Variants in NEGR1 observed in about 807,000 individuals in gnomAD.
NEGR1 encodes IgLON family member 4.
In NEGR1, 10 loss-of-function variants were observed where a neutral mutation model predicts 40.9. The observed-to-expected ratio is 0.24, with a 90% confidence interval of 0.15 to 0.42. The LOEUF is 0.42. Ranked by LOEUF, NEGR1 falls within the 10% of genes least tolerant of loss-of-function variation. The probability of loss-of-function intolerance (pLI) is 1.00; values close to 1 mark genes in which losing one functional copy is unlikely to be tolerated. For synonymous variants in NEGR1, 185 were observed against 166.8 expected (o/e 1.11, Z -0.84); for missense variants, 352 against 438.9 (o/e 0.80, Z 1.77).
At chr1:71,855,009 T>G (rs1659717630) in intron 2 of NEGR1, among the ~76,000 whole-genome samples, 1 of 152,116 alleles carries the variant, frequency 6.6e-6, no homozygotes, top group Non-Finnish European at 1.5e-5. Flanking sequence ...CAAGGTCAAC[T>G]ATATAAGTCT....
At chr1:72,036,791 GA>G (rs894507430) in intron 1 of NEGR1, among the ~76,000 whole-genome samples, 15 of 151,534 alleles carry the variant, frequency 9.9e-5, no homozygotes, top group Admixed American at 6.6e-4. Flanking sequence ...ATTACATATA[GA>G]AAAAAAGGAC....
At chr1:71,424,860 A>G (rs1373113822) in intron 6 of NEGR1, among the ~76,000 whole-genome samples, 1 of 152,214 alleles carries the variant, frequency 6.6e-6, no homozygotes, top group Admixed American at 6.5e-5. Context: ...TAGAGCCTAC[A>G]GATAAGAACC....
chr1:71,796,141 C>T (rs996341352), intron 2 of NEGR1, among the ~76,000 whole-genome samples: 3 of 152,142 alleles, frequency 2.0e-5, no homozygotes, highest in Non-Finnish European at 4.4e-5. Context: ...CTCATCCAAT[C>T]TCCTGACCTC....
At position 71,777,586 on chromosome 1, in the gene NEGR1, G is replaced by A. The variant is rs1218532714; in HGVS notation, c.410-1289C>T. On this transcript the variant is annotated intron_variant, in intron 2 of 6. Coordinates refer to ENST00000357731, the MANE Select transcript of NEGR1 (RefSeq NM_173808.3). The stretch of plus-strand genomic sequence containing the variant: ...CAATTACACCCCTTGGTAATCATTA[G>A]AAAAATAAGATTTTTACTGAAATCT... 2.6e-5 allele frequency among the ~76,000 whole-genome samples: 4 copies of A among 151,954 alleles called. No homozygotes were observed. In the East Asian group the frequency reaches 5.8e-4, roughly 22 times the overall value.
At chr1:71,671,000 C>A (rs557557825) in intron 4 of NEGR1, among the ~76,000 whole-genome samples, 4 of 152,234 alleles carry the variant, frequency 2.6e-5, no homozygotes, top group Admixed American at 6.5e-5. Context: ...GAGTCTACCT[C>A]AAAGCACTTT....
At chr1:71,733,966 C>T (rs1654967409) in intron 3 of NEGR1, among the ~76,000 whole-genome samples, 1 of 152,094 alleles carries the variant, frequency 6.6e-6, no homozygotes, top group South Asian at 2.1e-4. Context: ...TATTCAGATC[C>T]AGACAATCTG....
intron 3 of NEGR1, among the ~76,000 whole-genome samples, chr1:71,756,551 A>G (rs1348653357): frequency 6.6e-6 from 1 of 152,134 alleles, no homozygotes; most frequent in Non-Finnish European, 1.5e-5. Flanking sequence ...AAAATAGAAT[A>G]TACTTCCATG....
chr1:71,781,884 T>C (rs767669468), intron 2 of NEGR1, among the ~76,000 whole-genome samples: 7 of 152,180 alleles, frequency 4.6e-5, no homozygotes, highest in Non-Finnish European at 8.8e-5. Flanking sequence ...TGCCAACTCT[T>C]TGATGTCCTC....
intron 3 of NEGR1, among the ~76,000 whole-genome samples, chr1:71,739,199 GAAAA>G (rs776411417): frequency 9.4e-5 from 6 of 63,666 alleles, no homozygotes; most frequent in East Asian, 8.4e-4. Context: ...AAGGCAGGCA[GAAAA>G]AAAAAAAAAA....
rs75786832 is a variant in NEGR1, at chr1:72,122,923, C to T, written c.176+159396G>A. ...AATAAAACAACTCTATATTCCATAA[C>T]GGCACCATGTAGGTTCTAGACATAT... On this transcript the variant is annotated intron_variant, in intron 1 of 6. Coordinates refer to ENST00000357731, the MANE Select transcript of NEGR1 (RefSeq NM_173808.3). 2.1e-4 allele frequency among the ~76,000 whole-genome samples: 32 copies of T among 151,960 alleles called. No individual in the cohort carries two copies. In the East Asian group the frequency reaches 5.2e-3, roughly 25 times the overall value.
chr1:71,531,477 G>C (rs915217015), intron 6 of NEGR1, among the ~76,000 whole-genome samples: 20 of 151,280 alleles, frequency 1.3e-4, no homozygotes, highest in African/African-American at 4.8e-4. Context: ...AAGTTTACTA[G>C]CAAGATTATG....
chr1:72,059,804 T>C (rs1474511163), intron 1 of NEGR1, among the ~76,000 whole-genome samples: 1 of 151,714 alleles, frequency 6.6e-6, no homozygotes, highest in Non-Finnish European at 1.5e-5. Flanking sequence ...TTACTTTTAA[T>C]AAATGTATAC....
intron 1 of NEGR1, among the ~76,000 whole-genome samples, chr1:72,116,287 A>C (rs969858634): frequency 2.0e-5 from 3 of 151,792 alleles, no homozygotes; most frequent in Non-Finnish European, 2.9e-5. Context: ...TTAAGCCATA[A>C]ACTTTAAGTT....
intron 6 of NEGR1, among the ~76,000 whole-genome samples, chr1:71,495,678 G>T (rs377414395): frequency 5.5e-4 from 83 of 152,044 alleles, no homozygotes; most frequent in South Asian, 1.5e-3. Flanking sequence ...TTTGGATTTG[G>T]GTACCATGGA....
At chr1:71,960,077 T>C (rs1323323807) in intron 1 of NEGR1, among the ~76,000 whole-genome samples, 1 of 152,156 alleles carries the variant, frequency 6.6e-6, no homozygotes, top group Non-Finnish European at 1.5e-5. Context: ...AGGGCAAGCA[T>C]ATATTCCCTT....
intron 6 of NEGR1, among the ~76,000 whole-genome samples, chr1:71,447,163 C>T (rs1224672947): frequency 6.6e-6 from 1 of 152,180 alleles, no homozygotes; most frequent in Non-Finnish European, 1.5e-5. Context: ...ATTAGATTCT[C>T]ATAGGAGCGT....
At chr1:71,522,975 A>G (rs1159496298) in intron 6 of NEGR1, among the ~76,000 whole-genome samples, 2 of 151,978 alleles carry the variant, frequency 1.3e-5, no homozygotes, top group East Asian at 1.9e-4. Context: ...GAGCCAGCCA[A>G]TGGTCTTTTG....
intron 1 of NEGR1, among the ~76,000 whole-genome samples, chr1:72,084,422 T>A (rs1648128948): frequency 6.6e-6 from 1 of 152,226 alleles, no homozygotes; most frequent in Admixed American, 6.5e-5. Context: ...ATTCTAAAAT[T>A]GCAAACGTTT....
intron 1 of NEGR1, among the ~76,000 whole-genome samples, chr1:72,028,993 G>C (rs1055615900): frequency 6.6e-6 from 1 of 152,144 alleles, no homozygotes; most frequent in Non-Finnish European, 1.5e-5. Flanking sequence ...AAGAATGATA[G>C]TGCGAATATA....
Sources: allele counts gnomAD v4.1 joint callset (sites outside exome capture counted in the v4.1 genomes callset), GRCh38; gene constraint gnomAD v4.1.1; transcripts MANE v1.5; gene names NCBI Gene and HGNC (gene_info 2026-07-23, HGNC 2026-07-21).